The following KCNAB1 variants were observed in gnomAD, a reference collection of about 807,000 sequenced individuals.
KCNAB1 encodes voltage-gated potassium channel subunit beta-1.
In KCNAB1, 35 loss-of-function variants were observed where a neutral mutation model predicts 64.6. The ratio of observed to expected loss-of-function variants is 0.54; its 90% CI spans 0.41 to 0.72. KCNAB1 has a LOEUF of 0.72. Ranked by LOEUF, KCNAB1 falls within the 30% of genes least tolerant of loss-of-function variation. The pLI is 0.00. For synonymous variants in KCNAB1, 177 were observed against 183.8 expected (o/e 0.96, Z 0.30); for missense variants, 401 against 512.9 (o/e 0.78, Z 2.11).
intron 12 of KCNAB1, among the ~76,000 whole-genome samples, chr3:156,530,971 G>C (rs1258512842): frequency 6.6e-6 from 1 of 152,168 alleles, no homozygotes; most frequent in Non-Finnish European, 1.5e-5. Context: ...TGCCCTGGTT[G>C]AGGTGACAGG....
chr3:156,368,687 G>A (rs747084025), intron 1 of KCNAB1, among the ~76,000 whole-genome samples: 2 of 152,152 alleles, frequency 1.3e-5, no homozygotes, highest in Non-Finnish European at 2.9e-5. Context: ...TGTGACCTCA[G>A]ACTCATTCAT....
At chr3:156,143,529 A>G in intron 1 of KCNAB1, 1 of 744,200 alleles carries the variant, frequency 1.3e-6, no homozygotes. Flanking sequence ...AAGAAAAAGA[A>G]GGAAAAATGC....
intron 1 of KCNAB1, among the ~76,000 whole-genome samples, chr3:156,235,629 T>C (rs1419286636): frequency 1.3e-5 from 2 of 152,176 alleles, no homozygotes; most frequent in South Asian, 2.1e-4. Context: ...ATACCTACCA[T>C]GGCATACATT....
chr3:156,481,749 T>G (rs1714822176), intron 8 of KCNAB1, among the ~76,000 whole-genome samples: 1 of 152,110 alleles, frequency 6.6e-6, no homozygotes, highest in South Asian at 2.1e-4. Context: ...AACTTCAAAT[T>G]CTGGCTTTGC....
At chr3:156,319,634 C>T (rs1722524788) in intron 1 of KCNAB1, among the ~76,000 whole-genome samples, 1 of 152,076 alleles carries the variant, frequency 6.6e-6, no homozygotes, top group Non-Finnish European at 1.5e-5. Flanking sequence ...GCTCAAGAGC[C>T]CTGTGAAAAG....
intron 1 of KCNAB1, among the ~76,000 whole-genome samples, chr3:156,322,759 A>G (rs1430413554): frequency 6.6e-6 from 1 of 152,190 alleles, no homozygotes; most frequent in African/African-American, 2.4e-5. Context: ...ATTTAACAGA[A>G]CCACTGGTTT....
At chr3:156,246,634 CA>C (rs11293726) in intron 1 of KCNAB1, among the ~76,000 whole-genome samples, 65,391 of 125,906 alleles carry the variant, frequency 0.52, 15,999 homozygotes, top group East Asian at 0.73. Flanking sequence ...AAAAAAGCAG[CA>C]AAAAAAAAAA....
At chr3:156,384,769 G>A (rs1576800404) in intron 1 of KCNAB1, among the ~76,000 whole-genome samples, 1 of 152,184 alleles carries the variant, frequency 6.6e-6, no homozygotes, top group East Asian at 1.9e-4. Context: ...AGATGAAGTT[G>A]GGTCCTCCTC....
At chr3:156,349,567 C>T (rs1039103950) in intron 1 of KCNAB1, among the ~76,000 whole-genome samples, 2 of 151,960 alleles carry the variant, frequency 1.3e-5, no homozygotes, top group African/African-American at 4.8e-5. Flanking sequence ...TGCCTTTCTC[C>T]TTCTTGTTCT....
chr3:156,362,149 ATATC>A (rs1357323097), intron 1 of KCNAB1, among the ~76,000 whole-genome samples: 43 of 152,208 alleles, frequency 2.8e-4, no homozygotes, highest in African/African-American at 9.7e-4. Flanking sequence ...ACATCTACAT[ATATC>A]TATCTAAGAC....
At chr3:156,301,014 G>A (rs1721120532) in intron 1 of KCNAB1, among the ~76,000 whole-genome samples, 1 of 152,076 alleles carries the variant, frequency 6.6e-6, no homozygotes, top group African/African-American at 2.4e-5. Context: ...ACATCTTATA[G>A]GAGAATGCCC....
At chr3:156,450,871 C>T (rs543048474) in intron 2 of KCNAB1, among the ~76,000 whole-genome samples, 2 of 150,100 alleles carry the variant, frequency 1.3e-5, no homozygotes, top group Admixed American at 6.6e-5. Flanking sequence ...CCACCCCCCC[C>T]CAAAAAAAAG....
At chr3:156,241,568 G>A (rs948735119) in intron 1 of KCNAB1, among the ~76,000 whole-genome samples, 1 of 152,102 alleles carries the variant, frequency 6.6e-6, no homozygotes, top group Non-Finnish European at 1.5e-5. Context: ...ACATCATTCT[G>A]AGTATAATCA....
At chr3:156,211,663 G>A (rs1039206604) in intron 1 of KCNAB1, among the ~76,000 whole-genome samples, 2 of 152,174 alleles carry the variant, frequency 1.3e-5, no homozygotes, top group African/African-American at 2.4e-5. Flanking sequence ...ATTCAGTAAC[G>A]GAAAACTCAG....
intron 13 of KCNAB1, among the ~76,000 whole-genome samples, chr3:156,533,354 G>A (rs1718833429): frequency 1.3e-5 from 2 of 152,148 alleles, no homozygotes; most frequent in Admixed American, 1.3e-4. Context: ...GTCCAGGAAA[G>A]TGCATTCCAG....
In KCNAB1 at chr3:156,496,870, T is replaced by C. The variant is rs541028773; in HGVS notation, c.659-17494T>C. On this transcript the variant is annotated intron_variant, in intron 8 of 13. Transcript: ENST00000490337. ...AGATACAACCAGGCAATGTGTGGAA[T>C]AGTGAAATAGGTACAAGGAAATAAA... Among the ~76,000 whole-genome samples, 15 of 152,156 alleles carry C rather than the reference T, an allele frequency of 9.9e-5. 2 individuals carry two copies. The South Asian group carries it at 3.1e-3, about 32-fold the overall frequency.
intron 1 of KCNAB1, among the ~76,000 whole-genome samples, chr3:156,191,875 A>G (rs898026681): frequency 9.2e-5 from 14 of 152,284 alleles, no homozygotes; most frequent in African/African-American, 3.4e-4. Flanking sequence ...AGCCTCACAA[A>G]CAAGACTGAA....
At chr3:156,249,980 G>T (rs1717727556) in intron 1 of KCNAB1, among the ~76,000 whole-genome samples, 1 of 152,202 alleles carries the variant, frequency 6.6e-6, no homozygotes, top group African/African-American at 2.4e-5. Context: ...TGTTTGAATG[G>T]AGTCAGGGGA....
At chr3:156,417,535 G>T (rs1715157019) in intron 1 of KCNAB1, among the ~76,000 whole-genome samples, 1 of 152,164 alleles carries the variant, frequency 6.6e-6, no homozygotes, top group Non-Finnish European at 1.5e-5. Flanking sequence ...GTTTAAAATT[G>T]TGAATAAGGT....
Sources: allele counts gnomAD v4.1 joint callset (sites outside exome capture counted in the v4.1 genomes callset), GRCh38; gene constraint gnomAD v4.1.1; transcripts MANE v1.5; gene names NCBI Gene and HGNC (gene_info 2026-07-23, HGNC 2026-07-21).